The following BPNT2 variants were observed in gnomAD, a reference collection of about 807,000 sequenced individuals.
BPNT2 encodes 3'(2'), 5'-bisphosphate nucleotidase 2.
BPNT2 carries 11 observed loss-of-function variants against 29.3 expected under a neutral mutation model. That is an observed-to-expected ratio of 0.38 (90% CI 0.24 to 0.62). The LOEUF (loss-of-function observed/expected upper bound fraction) is 0.62. Ranked by LOEUF, BPNT2 falls within the 20% of genes least tolerant of loss-of-function variation. The pLI, the probability that BPNT2 is intolerant of heterozygous loss-of-function variation, is 0.62. For synonymous variants in BPNT2, 195 were observed against 187.7 expected, an observed-to-expected ratio of 1.04 and a Z score of -0.32; for missense variants, 459 against 473.4, an observed-to-expected ratio of 0.97 and a Z score of 0.28.
intron 4 of BPNT2, 56 bp downstream of exon 4, chr8:56,966,135 T>C: frequency 6.3e-7 from 1 of 1,584,238 alleles, no homozygotes; most frequent in Non-Finnish European, 8.7e-7. Flanking sequence ...TCTCCTAACA[T>C]AGCCTTGACC....
At position 56,959,455 on chromosome 8, in the gene BPNT2, C is replaced by T. The variant is rs1172996842; in HGVS notation, c.*4338G>A. 3 of 152,124 alleles carry T rather than the reference C, an allele frequency of 2.0e-5. No homozygotes were observed. Among genetic ancestry groups the T allele is most frequent in the East Asian group, 1.9e-4 (1 of 5,196 alleles). 9.4% of individuals were successfully genotyped at this position (152,124 alleles called of 1,614,324 possible). A position where few individuals can be genotyped will look rare whatever the true frequency, so the allele number is the denominator to read the frequency against. ...CTCAGAACTGCCAATCAATTAGAATCCTCTCCCCCAGGAACTGTTCTGGTT... is the reference window on the plus strand; with the variant it reads ...CTCAGAACTGCCAATCAATTAGAATTCTCTCCCCCAGGAACTGTTCTGGTT... On this transcript the variant is annotated 3_prime_UTR_variant, in exon 5 of 5. Transcript: ENST00000262644.
At chr8:56,989,696 CA>C (rs1300739605) in intron 1 of BPNT2, among the ~76,000 whole-genome samples, 2 of 152,142 alleles carry the variant, frequency 1.3e-5, no homozygotes, top group East Asian at 3.9e-4. Flanking sequence ...TGGCTTATTG[CA>C]GGCCTCAAGA....
intron 3 of BPNT2, among the ~76,000 whole-genome samples, chr8:56,969,017 A>C (rs1048540502): frequency 6.6e-6 from 1 of 152,178 alleles, no homozygotes; most frequent in Non-Finnish European, 1.5e-5. Flanking sequence ...GAAGATAGGC[A>C]GAGACTGGCT....
At chr8:56,966,471 T>C (rs1805955454) in intron 3 of BPNT2, 119 bp from the exon 4 acceptor site, 1 of 880,518 alleles carries the variant, frequency 1.1e-6, no homozygotes. Context: ...AAAAAATTAT[T>C]TGTATTTTCC....
At chr8:56,991,128 C>T (rs1334516229) in intron 1 of BPNT2, among the ~76,000 whole-genome samples, 1 of 152,148 alleles carries the variant, frequency 6.6e-6, no homozygotes, top group Admixed American at 6.5e-5. Flanking sequence ...TAGTTGGCTA[C>T]AATATTTGGC....
rs767173166 is a variant in BPNT2 at position 56,993,216 on chromosome 8, C to A, written c.370G>T (p.Ala124Ser). The A allele has an allele frequency of 1.9e-6, 3 of 1,602,032 alleles. No homozygotes were observed. Among genetic ancestry groups the A allele is most frequent in the Non-Finnish European group, 1.7e-6 (2 of 1,179,358 alleles). The change falls in exon 1 of 5, where the codon GCC (alanine) becomes TCC (serine). Residue 124 changes from alanine to serine, a missense_variant. Transcript: ENST00000262644. Reference sequence around the variant, plus strand: ...GCTCCCACCTGGACGCTGGGGAAGGCGGTCTTGAGCAGGTAGAACATCTTG... The same window carrying A: ...GCTCCCACCTGGACGCTGGGGAAGGAGGTCTTGAGCAGGTAGAACATCTTG... ...NRKMFYLLKT[A>S]FPSVQINTEE...
At chr8:56,974,473 T>C (rs1806095246) in intron 3 of BPNT2, among the ~76,000 whole-genome samples, 7 of 152,356 alleles carry the variant, frequency 4.6e-5, no homozygotes, top group Admixed American at 3.3e-4. Flanking sequence ...GTTCCCACTA[T>C]AGTGAAGTGT....
chr8:56,965,179 C>T (rs796225432), intron 4 of BPNT2, among the ~76,000 whole-genome samples: 2 of 152,100 alleles, frequency 1.3e-5, no homozygotes, highest in South Asian at 2.1e-4. Flanking sequence ...ATTAGCCAGG[C>T]ATGGTGGTGC....
At position 56,966,361 on chromosome 8, in the gene BPNT2, C is replaced by T. The variant is rs1308825196; in HGVS notation, c.647-9G>A. ...ATCTACCATTGCCCAAGCTGAAAAG[C>T]AAATATAATATCCATTAATGGCACT... On this transcript the variant is annotated splice_polypyrimidine_tract_variant and intron_variant, in intron 3 of 4. Transcript: ENST00000262644. The T allele has an allele frequency of 6.2e-7, 1 of 1,611,928 alleles. No homozygotes were observed. The highest frequency in any genetic ancestry group is 8.5e-7 in the Non-Finnish European group (1 of 1,178,246).
At chr8:56,992,334 T>TA (rs1265319624) in intron 1 of BPNT2, among the ~76,000 whole-genome samples, 1 of 152,188 alleles carries the variant, frequency 6.6e-6, no homozygotes, top group African/African-American at 2.4e-5. Context: ...GCTGCTACGC[T>TA]ATGCTGAGCT....
intron 1 of BPNT2, among the ~76,000 whole-genome samples, chr8:56,992,129 T>C (rs1344214859): frequency 2.0e-5 from 3 of 152,178 alleles, no homozygotes; most frequent in Non-Finnish European, 2.9e-5. Flanking sequence ...GGAAGAAGCC[T>C]TATGCAAAAT....
chr8:56,993,434 C>A lies in BPNT2; in HGVS notation c.152G>T (p.Gly51Val). Residue 51 changes from glycine (G) to valine (V), a missense_variant, in exon 1 of 5, where the codon GGG becomes GTG. Coordinates refer to ENST00000262644, the MANE Select transcript of BPNT2 (RefSeq NM_017813.5). ...LGGEPGGGAA[G>V]PAAAADGGTV... ...GCCCCCATCGGCCGCGGCCGCGGGC[C>A]CCGCCGCGCCGCCGCCAGGCTCGCC... 1 of 1,480,742 alleles carries A rather than the reference C, an allele frequency of 6.8e-7. No individual in the cohort carries two copies. Among genetic ancestry groups the A allele is most frequent in the Non-Finnish European group, 8.9e-7 (1 of 1,122,258 alleles). 91.7% of individuals were successfully genotyped at this position (1,480,742 alleles called of 1,614,324 possible). A position where few individuals can be genotyped will look rare whatever the true frequency, so the allele number is the denominator to read the frequency against.
intron 1 of BPNT2, among the ~76,000 whole-genome samples, chr8:56,984,543 C>T (rs1262392371): frequency 6.6e-6 from 1 of 152,210 alleles, no homozygotes; most frequent in Non-Finnish European, 1.5e-5. Context: ...CATCTCTCAC[C>T]TGGATTTCTA....
chr8:56,964,247 C>G, intron 4 of BPNT2, 183 bp from the exon 5 acceptor site: 1 of 533,280 alleles, frequency 1.9e-6, no homozygotes, highest in South Asian at 2.7e-5. Context: ...ACTGTATAAA[C>G]ATTAAACTCA....
intron 3 of BPNT2, among the ~76,000 whole-genome samples, chr8:56,970,083 T>A (rs1209024980): frequency 6.6e-6 from 1 of 152,204 alleles, no homozygotes; most frequent in Non-Finnish European, 1.5e-5. Context: ...ATAACATCTT[T>A]AATAGAGCTT....
chr8:56,974,399 T>C (rs1429703797), intron 3 of BPNT2, among the ~76,000 whole-genome samples: 1 of 150,418 alleles, frequency 6.6e-6, no homozygotes, highest in Non-Finnish European at 1.5e-5. Flanking sequence ...AGGAATTAAT[T>C]CTAATTAAGT....
At chr8:56,977,264 G>A (rs80293218) in intron 3 of BPNT2, among the ~76,000 whole-genome samples, 3 of 152,194 alleles carry the variant, frequency 2.0e-5, no homozygotes, top group Admixed American at 6.5e-5. Context: ...AAGGCCAGAA[G>A]TCTAAAATCA....
At chr8:56,967,028 T>C (rs1805963979) in intron 3 of BPNT2, 10 of 392,456 alleles carry the variant, frequency 2.5e-5, no homozygotes, top group South Asian at 1.9e-4. Flanking sequence ...GGGAAGGGGA[T>C]GTCAGAGATG....
At chr8:56,964,224 A>T in intron 4 of BPNT2, 160 bp from the exon 5 acceptor site, 1 of 578,522 alleles carries the variant, frequency 1.7e-6, no homozygotes, top group Non-Finnish European at 3.0e-6. Flanking sequence ...CAAATTAAAA[A>T]AATTTTAAAG....
Sources: allele counts gnomAD v4.1 joint callset (sites outside exome capture counted in the v4.1 genomes callset), GRCh38; gene constraint gnomAD v4.1.1; transcripts MANE v1.5; gene names NCBI Gene and HGNC (gene_info 2026-07-23, HGNC 2026-07-21).